The following PDE4B variants were observed in gnomAD, a reference collection of about 807,000 sequenced individuals.
PDE4B encodes the protein phosphodiesterase 4B.
PDE4B carries 20 observed loss-of-function variants against 82.2 expected under a neutral mutation model. The observed-to-expected ratio is 0.24, with a 90% CI of 0.17 to 0.35. The LOEUF is 0.35. PDE4B is among the 10% of genes least tolerant of loss of function. PDE4B has a pLI of 1.00. For missense variants in PDE4B, 655 were observed against 907.2 expected (o/e 0.72, Z 3.57); for synonymous variants, 320 against 318.9 (o/e 1.00, Z -0.04).
At chr1:66,221,124 A>G (rs528310586) in intron 3 of PDE4B, among the ~76,000 whole-genome samples, 30 of 152,248 alleles carry the variant, frequency 2.0e-4, no homozygotes, top group Non-Finnish European at 2.9e-4. Flanking sequence ...GAAATAGGCA[A>G]GAACCAAGGC....
At chr1:66,209,279 A>C (rs1649821997) in intron 3 of PDE4B, among the ~76,000 whole-genome samples, 1 of 152,124 alleles carries the variant, frequency 6.6e-6, no homozygotes, top group African/African-American at 2.4e-5. Context: ...TTATTTGTTG[A>C]GTTTCTGCTA....
At chr1:65,923,313 A>G (rs1376350813) in intron 3 of PDE4B, among the ~76,000 whole-genome samples, 1 of 152,212 alleles carries the variant, frequency 6.6e-6, no homozygotes, top group African/African-American at 2.4e-5. Flanking sequence ...AAATTTAGAT[A>G]ATAAGCCAAT....
At chr1:66,070,460 A>G (rs2100925765) in intron 3 of PDE4B, among the ~76,000 whole-genome samples, 2 of 152,146 alleles carry the variant, frequency 1.3e-5, no homozygotes, top group Non-Finnish European at 2.9e-5. Flanking sequence ...GAAAGGTGGT[A>G]AAGTGAGACA....
intron 3 of PDE4B, among the ~76,000 whole-genome samples, chr1:66,201,624 T>A (rs1197215101): frequency 1.3e-5 from 2 of 151,168 alleles, no homozygotes; most frequent in South Asian, 2.1e-4. Flanking sequence ...TTTTCTAGTT[T>A]ATTTGCGTAG....
chr1:66,278,314 A>G (rs1224961500), intron 7 of PDE4B, among the ~76,000 whole-genome samples: 1 of 152,248 alleles, frequency 6.6e-6, no homozygotes, highest in Admixed American at 6.5e-5. Flanking sequence ...ATGACTTTGC[A>G]GCTGCCCAGC....
At chr1:66,241,737 C>G (rs1009718615) in intron 3 of PDE4B, among the ~76,000 whole-genome samples, 2 of 152,168 alleles carry the variant, frequency 1.3e-5, no homozygotes, top group African/African-American at 4.8e-5. Context: ...CACACACACT[C>G]TATACAGAAA....
At chr1:65,857,437 A>AT (rs1253043044) in intron 1 of PDE4B, among the ~76,000 whole-genome samples, 4 of 151,560 alleles carry the variant, frequency 2.6e-5, no homozygotes, top group African/African-American at 9.7e-5. Context: ...TTTTATTTTT[A>AT]TTTTTTAGAG....
At chr1:66,137,480 C>A (rs1481301113) in intron 3 of PDE4B, among the ~76,000 whole-genome samples, 5 of 152,094 alleles carry the variant, frequency 3.3e-5, no homozygotes, top group Non-Finnish European at 7.4e-5. Context: ...GTGTGGTGAA[C>A]CAGGATCTGA....
chr1:66,147,422 C>A (rs763556593), intron 3 of PDE4B, among the ~76,000 whole-genome samples: 1 of 152,172 alleles, frequency 6.6e-6, no homozygotes, highest in Non-Finnish European at 1.5e-5. Flanking sequence ...GGAAAGGGAA[C>A]CTGAACCATG....
intron 1 of PDE4B, among the ~76,000 whole-genome samples, chr1:65,892,286 C>A (rs1012372225): frequency 5.3e-5 from 8 of 151,966 alleles, no homozygotes; most frequent in Admixed American, 2.6e-4. Context: ...ATCTACAAAC[C>A]AGAGACTCAT....
intron 3 of PDE4B, among the ~76,000 whole-genome samples, chr1:66,028,288 C>A (rs1488686980): frequency 6.6e-6 from 1 of 152,148 alleles, no homozygotes; most frequent in African/African-American, 2.4e-5. Context: ...TTGTTGGCTC[C>A]TTTCAGCCAA....
chr1:66,268,778 A>G (rs1202494908), intron 7 of PDE4B, among the ~76,000 whole-genome samples: 3 of 151,984 alleles, frequency 2.0e-5, no homozygotes, highest in Non-Finnish European at 4.4e-5. Flanking sequence ...CTCATGGCTC[A>G]ATGCAAATGT....
intron 8 of PDE4B, among the ~76,000 whole-genome samples, chr1:66,352,312 G>A (rs1661897619): frequency 6.6e-6 from 1 of 152,162 alleles, no homozygotes; most frequent in Admixed American, 6.5e-5. Context: ...TGGGAAGGAG[G>A]AAGGTGATAT....
intron 3 of PDE4B, among the ~76,000 whole-genome samples, chr1:66,224,440 C>T (rs569640682): frequency 5.3e-5 from 8 of 152,230 alleles, no homozygotes; most frequent in East Asian, 3.9e-4. Context: ...GTCAAGCAGC[C>T]GGGCACAGTG....
chr1:65,841,359 A>G (rs554143256), intron 1 of PDE4B, among the ~76,000 whole-genome samples: 112 of 150,698 alleles, frequency 7.4e-4, no homozygotes, highest in African/African-American at 2.6e-3. Context: ...AGAAAGAAAG[A>G]GAGAGAAAGG....
chr1:66,311,457 T>G (rs1354772837), intron 7 of PDE4B, among the ~76,000 whole-genome samples: 1 of 152,266 alleles, frequency 6.6e-6, no homozygotes, highest in East Asian at 1.9e-4. Context: ...ACTCCATCTA[T>G]GGAGCAGAAA....
chr1:66,160,641 A>T (rs1197272945), intron 3 of PDE4B, among the ~76,000 whole-genome samples: 1 of 152,196 alleles, frequency 6.6e-6, no homozygotes, highest in Non-Finnish European at 1.5e-5. Flanking sequence ...GTAGACAAGC[A>T]TCTAATGTAG....
At chr1:66,014,429 T>G (rs1272304483) in intron 3 of PDE4B, among the ~76,000 whole-genome samples, 1 of 152,156 alleles carries the variant, frequency 6.6e-6, no homozygotes, top group Non-Finnish European at 1.5e-5. Context: ...TTGGGTCTTG[T>G]GTTTAGGTTT....
intron 3 of PDE4B, chr1:65,992,741 C>T (rs1163338446): frequency 1.5e-6 from 2 of 1,355,862 alleles, no homozygotes; most frequent in African/African-American, 3.0e-5. Flanking sequence ...TGCTATTCTT[C>T]GAGTATGCTG....
Sources: gnomAD v4.1 joint callset for allele counts (sites outside exome capture counted in the v4.1 genomes callset) on GRCh38, gnomAD v4.1.1 for gene constraint, MANE v1.5 for transcripts, NCBI Gene and HGNC (gene_info 2026-07-23, HGNC 2026-07-21) for gene names.